Variants in TRMO observed in about 807,000 individuals in gnomAD.
TRMO encodes the protein tRNA (adenine(37)-N6)-methyltransferase.
TRMO carries 30 observed loss-of-function variants against 37.2 expected under a neutral mutation model. The ratio of observed to expected loss-of-function variants is 0.81; its 90% CI spans 0.60 to 1.09. The LOEUF (loss-of-function observed/expected upper bound fraction) is 1.09, where lower values mean the gene tolerates loss of function less well. Ranked by LOEUF, TRMO falls within the 50% of genes least tolerant of loss-of-function variation. The probability of loss-of-function intolerance (pLI) is 0.00; values close to 1 mark genes in which losing one functional copy is unlikely to be tolerated. For synonymous variants in TRMO, 239 were observed against 199.4 expected (o/e 1.20, Z -1.67); for missense variants, 552 against 549.5 (o/e 1.00, Z -0.05).
In TRMO at chr9:97,904,701, T is replaced by C. The variant is rs1453919335; in HGVS notation, c.*32A>G. The C allele has an allele frequency of 1.2e-6, 2 of 1,603,756 alleles. No individual in the cohort carries two copies. Among genetic ancestry groups the C allele is most frequent in the South Asian group, 1.1e-5 (1 of 90,268 alleles). On this transcript the variant is annotated 3_prime_UTR_variant, in exon 5 of 5. Transcript: ENST00000375119. ...TCCAAAAGCCACATCCAAAGATCAA[T>C]GATGCTACCTTAAAGACATGAGGGA...
At chr9:97,897,431 G>T in the TRMO span, among the ~76,000 whole-genome samples, 15 of 152,086 alleles carry the variant, frequency 9.9e-5, no homozygotes, top group African/African-American at 3.6e-4. Context: ...GTTTTGTTTT[G>T]TTTTGTTTAC....
At chr9:97,908,080 G>A (rs1305488639) in intron 4 of TRMO, among the ~76,000 whole-genome samples, 1 of 152,024 alleles carries the variant, frequency 6.6e-6, no homozygotes, top group African/African-American at 2.4e-5. Flanking sequence ...AAGAGTTCAA[G>A]ACAAGTCTGG....
intron 1 of TRMO, among the ~76,000 whole-genome samples, chr9:97,918,695 G>GAT (rs761219285): frequency 2.0e-5 from 3 of 151,984 alleles, no homozygotes; most frequent in Non-Finnish European, 4.4e-5. Flanking sequence ...TACTTTATTT[G>GAT]ATATATATAA....
At chr9:97,904,184 C>G (rs968818626), downstream of TRMO, among the ~76,000 whole-genome samples, 5 of 152,142 alleles carry the variant, frequency 3.3e-5, no homozygotes, top group African/African-American at 1.2e-4. Flanking sequence ...CAGAGAGTCT[C>G]TATTTTAGAA....
At chr9:97,905,778 T>C (rs545532228) in intron 4 of TRMO, among the ~76,000 whole-genome samples, 1 of 152,278 alleles carries the variant, frequency 6.6e-6, no homozygotes, top group East Asian at 1.9e-4. Flanking sequence ...ATTTGATTTC[T>C]ACAAGCAGCC....
At chr9:97,919,754 T>C (rs1244105872) in intron 1 of TRMO, among the ~76,000 whole-genome samples, 2 of 152,236 alleles carry the variant, frequency 1.3e-5, no homozygotes, top group African/African-American at 4.8e-5. Flanking sequence ...ATGATAAATA[T>C]AAGTGGCTGC....
At chr9:97,916,000 C>T (rs1482054141) in intron 2 of TRMO, among the ~76,000 whole-genome samples, 164 bp downstream of exon 2, 1 of 152,120 alleles carries the variant, frequency 6.6e-6, no homozygotes, top group Non-Finnish European at 1.5e-5. Flanking sequence ...GCTATTGCAC[C>T]ACTGTACTCC....
chr9:97,922,330 C>T (rs977368237), intron 1 of TRMO, 88 bp downstream of exon 1: 3 of 862,148 alleles, frequency 3.5e-6, no homozygotes, highest in Non-Finnish European at 5.6e-6. Flanking sequence ...AGTTCCAGAT[C>T]GTGCGTTTTA....
downstream of TRMO, among the ~76,000 whole-genome samples, chr9:97,903,042 G>A (rs1175803946): frequency 6.6e-6 from 1 of 152,176 alleles, no homozygotes; most frequent in East Asian, 1.9e-4. Flanking sequence ...TGAGGAGGGA[G>A]GGTTGCTTGG....
chr9:97,906,841 CAAAA>C (rs752160277), intron 4 of TRMO, among the ~76,000 whole-genome samples: 1 of 125,500 alleles, frequency 8.0e-6, no homozygotes, highest in Non-Finnish European at 1.7e-5. Context: ...GACTCCGTCT[CAAAA>C]AAAAAAAAAA....
chr9:97,916,911 A>G (rs1425394902), intron 1 of TRMO, among the ~76,000 whole-genome samples: 1 of 143,858 alleles, frequency 7.0e-6, no homozygotes, highest in Non-Finnish European at 1.5e-5. Context: ...ATGGGGTTTC[A>G]CCATATTGGT....
the TRMO span, among the ~76,000 whole-genome samples, chr9:97,899,429 C>CATATTTAT: frequency 0.13 from 14,203 of 105,544 alleles, 868 homozygotes; most frequent in Middle Eastern, 0.24. Flanking sequence ...TTTTTATGTA[C>CATATTTAT]GTATTTATTT....
At position 97,922,498 on chromosome 9, in the gene TRMO, A is replaced by C; in HGVS notation, c.-5T>G. ...CGACTCCTCCAAGCCGCGCATGGCT[A>C]CTGGTTGCTGAGGTGCCCACCCGAC... On this transcript the variant is annotated 5_prime_UTR_variant, in exon 1 of 5. Coordinates refer to ENST00000375119, the MANE Select transcript of TRMO (RefSeq NM_016481.5). 2 of 1,570,164 alleles carry C rather than the reference A, an allele frequency of 1.3e-6. No individual in the cohort carries two copies. The highest frequency in any genetic ancestry group is 1.7e-6 in the Non-Finnish European group (2 of 1,160,110).
At chr9:97,898,432 G>C in the TRMO span, among the ~76,000 whole-genome samples, 4 of 152,034 alleles carry the variant, frequency 2.6e-5, no homozygotes, top group Admixed American at 6.6e-5. Context: ...CCTGGGCTCA[G>C]GTGATCCTCC....
intron 2 of TRMO, chr9:97,913,897 C>G (rs915314954): frequency 4.9e-6 from 1 of 204,766 alleles, no homozygotes; most frequent in Admixed American, 5.4e-5. Flanking sequence ...TCATTTCATA[C>G]AATCGCCTTA....
At chr9:97,910,718 C>T in intron 3 of TRMO, 102 bp from the exon 4 acceptor site, 2 of 1,325,104 alleles carry the variant, frequency 1.5e-6, no homozygotes, top group Non-Finnish European at 2.1e-6. Flanking sequence ...CCTCACTGCA[C>T]TTACTCATAA....
chr9:97,905,415 A>G (rs897930610), intron 4 of TRMO, among the ~76,000 whole-genome samples: 1 of 152,168 alleles, frequency 6.6e-6, no homozygotes, highest in Non-Finnish European at 1.5e-5. Context: ...AAGAAAGAGA[A>G]CTAAACCCAC....
At chr9:97,917,320 T>C (rs1396253462) in intron 1 of TRMO, among the ~76,000 whole-genome samples, 2 of 152,216 alleles carry the variant, frequency 1.3e-5, no homozygotes, top group African/African-American at 2.4e-5. Flanking sequence ...TATAAGCTCA[T>C]AGTGCTAAAA....
chr9:97,914,790 A>G (rs1826279062), intron 2 of TRMO, among the ~76,000 whole-genome samples: 1 of 152,192 alleles, frequency 6.6e-6, no homozygotes, highest in Non-Finnish European at 1.5e-5. Context: ...CTGTATGTAT[A>G]TATTTGTTTC....
Sources: allele counts gnomAD v4.1 joint callset (sites outside exome capture counted in the v4.1 genomes callset), GRCh38; gene constraint gnomAD v4.1.1; transcripts MANE v1.5; gene names NCBI Gene and HGNC (gene_info 2026-07-23, HGNC 2026-07-21).